ASXL2: variants seen among roughly 807,000 people sequenced by gnomAD.
ASXL2 encodes the protein ASXL transcriptional regulator 2.
In ASXL2, 23 loss-of-function variants were observed where a neutral mutation model predicts 122.0. The observed-to-expected ratio is 0.19, with a 90% CI of 0.14 to 0.27. The LOEUF (loss-of-function observed/expected upper bound fraction) is 0.27. Ranked by LOEUF, ASXL2 falls within the 10% of genes least tolerant of loss-of-function variation. ASXL2 has a pLI of 1.00. For synonymous variants in ASXL2, 650 were observed against 637.0 expected, an observed-to-expected ratio of 1.02 and a Z score of -0.31; for missense variants, 1,518 against 1,713.8, an observed-to-expected ratio of 0.89 and a Z score of 2.02.
chr2:25,811,323 C>T (rs1030386311), intron 3 of ASXL2, among the ~76,000 whole-genome samples: 1 of 150,810 alleles, frequency 6.6e-6, no homozygotes, highest in East Asian at 1.9e-4. Context: ...GAAAGCTTTC[C>T]ACAAAAGAGA....
chr2:25,833,045 T>C (rs2089472591), intron 3 of ASXL2, among the ~76,000 whole-genome samples: 1 of 152,170 alleles, frequency 6.6e-6, no homozygotes, highest in Admixed American at 6.6e-5. Context: ...ACTAGGGAAG[T>C]ACATGTGGTT....
chr2:25,795,804 TGAG>T (rs1233959493), intron 5 of ASXL2, among the ~76,000 whole-genome samples: 2 of 150,752 alleles, frequency 1.3e-5, no homozygotes, highest in Admixed American at 1.3e-4. Context: ...AAAAATAAAA[TGAG>T]GAGAAGCAGG....
intron 5 of ASXL2, among the ~76,000 whole-genome samples, chr2:25,797,173 G>T (rs1302256786): frequency 1.3e-5 from 2 of 152,182 alleles, no homozygotes; most frequent in Non-Finnish European, 1.5e-5. Flanking sequence ...CTGGATGGGC[G>T]CAGTGGCTCA....
At chr2:25,824,926 T>G (rs2089358736) in intron 3 of ASXL2, among the ~76,000 whole-genome samples, 1 of 152,228 alleles carries the variant, frequency 6.6e-6, no homozygotes, top group African/African-American at 2.4e-5. Flanking sequence ...TAAGTATACA[T>G]GGCCCATCAA....
At chr2:25,875,806 A>G (rs1196361465) in intron 1 of ASXL2, among the ~76,000 whole-genome samples, 1 of 152,202 alleles carries the variant, frequency 6.6e-6, no homozygotes, top group Non-Finnish European at 1.5e-5. Flanking sequence ...AAATAAGTTT[A>G]AGCCTTAAAA....
chr2:25,868,940 G>A (rs2089932044), intron 1 of ASXL2, among the ~76,000 whole-genome samples: 1 of 152,000 alleles, frequency 6.6e-6, no homozygotes, highest in Non-Finnish European at 1.5e-5. Flanking sequence ...TGAGGTGGGT[G>A]GATCACCTCA....
chr2:25,856,554 G>A (rs964820794), intron 1 of ASXL2: 36 of 1,134,912 alleles, frequency 3.2e-5, no homozygotes, highest in Middle Eastern at 4.1e-4. Context: ...GTTGTATTTC[G>A]CCAGACGCTC....
chr2:25,771,053 T>C (rs1021911760), intron 6 of ASXL2, among the ~76,000 whole-genome samples: 5 of 151,976 alleles, frequency 3.3e-5, no homozygotes, highest in Admixed American at 6.5e-5. Flanking sequence ...CTGGCCAACA[T>C]GGTGAAACCC....
intron 1 of ASXL2, 35 bp downstream of exon 1, chr2:25,878,131 C>T (rs374955735): frequency 3.2e-4 from 523 of 1,613,034 alleles, no homozygotes; most frequent in Non-Finnish European, 4.0e-5. Context: ...GGAACAAAAT[C>T]CTCCCGGCCT....
rs2149132566 is a variant in ASXL2, at chr2:25,736,315, T to C, written c.*5714A>G. On this transcript the variant is annotated 3_prime_UTR_variant, in exon 13 of 13. Coordinates refer to ENST00000435504, the MANE Select transcript of ASXL2 (RefSeq NM_018263.6). Reference sequence around the variant, plus strand: ...AGGCACCCATGTCATCACCTGAATATAAATTTATCTTCCCACAAGATAGGA... The same window carrying C: ...AGGCACCCATGTCATCACCTGAATACAAATTTATCTTCCCACAAGATAGGA... 6.6e-6 allele frequency: 1 copy of C among 152,304 alleles called. No homozygotes were observed. The highest frequency in any genetic ancestry group is 2.1e-4 in the South Asian group (1 of 4,832). 9.4% of individuals were successfully genotyped at this position (152,304 alleles called of 1,614,324 possible). A position where few individuals can be genotyped will look rare whatever the true frequency, so the allele number is the denominator to read the frequency against.
At chr2:25,760,925 A>G (rs2088231384) in intron 8 of ASXL2, among the ~76,000 whole-genome samples, 1 of 152,244 alleles carries the variant, frequency 6.6e-6, no homozygotes, top group Non-Finnish European at 1.5e-5. Context: ...AGGAATTAAT[A>G]GACTTAAGAA....
intron 1 of ASXL2, among the ~76,000 whole-genome samples, chr2:25,849,601 A>C (rs2089693081): frequency 6.6e-6 from 1 of 151,964 alleles, no homozygotes; most frequent in Non-Finnish European, 1.5e-5. Flanking sequence ...CAGTCTCCTG[A>C]GTAGCTAGGA....
chr2:25,811,001 T>TG (rs2089160667), intron 3 of ASXL2, among the ~76,000 whole-genome samples: 1 of 148,458 alleles, frequency 6.7e-6, no homozygotes, highest in Non-Finnish European at 1.5e-5. Context: ...CTGAGGCGGG[T>TG]GGATCTCTTG....
intron 6 of ASXL2, among the ~76,000 whole-genome samples, chr2:25,769,971 T>C (rs2088418134): frequency 6.6e-6 from 1 of 152,184 alleles, no homozygotes; most frequent in Admixed American, 6.5e-5. Flanking sequence ...TTATAATAGG[T>C]GAGGCAGAAG....
At chr2:25,846,579 CA>C (rs1191618093) in intron 1 of ASXL2, among the ~76,000 whole-genome samples, 2 of 151,834 alleles carry the variant, frequency 1.3e-5, no homozygotes, top group Non-Finnish European at 2.9e-5. Flanking sequence ...ACCTGGGAGA[CA>C]GAGGTTGCAG....
intron 1 of ASXL2, among the ~76,000 whole-genome samples, chr2:25,864,542 G>A (rs1054895730): frequency 1.2e-4 from 18 of 152,120 alleles, no homozygotes; most frequent in African/African-American, 4.3e-4. Context: ...TAAAAGAAAG[G>A]AAAATGAACT....
intron 1 of ASXL2, among the ~76,000 whole-genome samples, chr2:25,853,262 G>A (rs1195219450): frequency 6.6e-6 from 1 of 152,196 alleles, no homozygotes; most frequent in Non-Finnish European, 1.5e-5. Flanking sequence ...GAGTTCAGGA[G>A]CTCAACACAT....
chr2:25,842,692 G>GTGTA (rs1553704752), intron 2 of ASXL2, among the ~76,000 whole-genome samples: 1 of 129,580 alleles, frequency 7.7e-6, no homozygotes, highest in African/African-American at 2.6e-5. Context: ...TCAAGTGTGT[G>GTGTA]TATATATATA....
At chr2:25,757,562 C>A (rs2088157199) in intron 9 of ASXL2, among the ~76,000 whole-genome samples, 1 of 149,444 alleles carries the variant, frequency 6.7e-6, no homozygotes. Context: ...GTAATCCCAG[C>A]CACTCAGGAG....
Sources: allele counts gnomAD v4.1 joint callset (sites outside exome capture counted in the v4.1 genomes callset), GRCh38; gene constraint gnomAD v4.1.1; transcripts MANE v1.5; gene names NCBI Gene and HGNC (gene_info 2026-07-23, HGNC 2026-07-21).